ARNT2: variants seen among roughly 807,000 people sequenced by gnomAD.
ARNT2 encodes ARNT protein 2.
A neutral mutation model predicts 91.7 loss-of-function variants in ARNT2; 36 were observed. The observed-to-expected ratio is 0.39, with a 90% CI of 0.30 to 0.52. ARNT2 has a LOEUF of 0.52. Among genes scored for constraint, ARNT2 ranks in the 20% least tolerant of loss-of-function variants. The pLI is 0.72. For missense variants in ARNT2, 775 were observed against 939.3 expected (o/e 0.83, Z 2.29); for synonymous variants, 365 against 347.1 (o/e 1.05, Z -0.57).
chr15:80,589,503 C>T (rs574355753), intron 17 of ARNT2, among the ~76,000 whole-genome samples: 1 of 152,344 alleles, frequency 6.6e-6, no homozygotes. Context: ...TGGCAGTCAT[C>T]TTCCTGAATG....
chr15:80,590,984 G>A (rs1169957746), intron 17 of ARNT2, among the ~76,000 whole-genome samples: 1 of 152,218 alleles, frequency 6.6e-6, no homozygotes, highest in Non-Finnish European at 1.5e-5. Context: ...GCTTGGCCCT[G>A]TAGGGGGACC....
chr15:80,430,948 G>C (rs1261737114), intron 1 of ARNT2, among the ~76,000 whole-genome samples: 1 of 151,950 alleles, frequency 6.6e-6, no homozygotes, highest in African/African-American at 2.4e-5. Flanking sequence ...GCATGTACGT[G>C]GTGATGAACC....
chr15:80,536,145 C>T (rs1045240462), intron 8 of ARNT2, among the ~76,000 whole-genome samples: 2 of 152,202 alleles, frequency 1.3e-5, no homozygotes, highest in Non-Finnish European at 2.9e-5. Flanking sequence ...ATCAAGGACA[C>T]AGAGGCACGT....
chr15:80,484,954 T>C (rs1006604624), intron 5 of ARNT2, among the ~76,000 whole-genome samples: 1 of 152,246 alleles, frequency 6.6e-6, no homozygotes, highest in African/African-American at 2.4e-5. Flanking sequence ...GCCTCAGTTT[T>C]CTCGCTTGTA....
At chr15:80,546,719 C>T (rs1193250413) in intron 8 of ARNT2, among the ~76,000 whole-genome samples, 1 of 151,988 alleles carries the variant, frequency 6.6e-6, no homozygotes, top group Non-Finnish European at 1.5e-5. Context: ...AATCCCAGCA[C>T]CTTGGGAGGC....
chr15:80,574,064 C>A, intron 12 of ARNT2, 84 bp from the exon 13 acceptor site: 1 of 1,126,646 alleles, frequency 8.9e-7, no homozygotes, highest in Non-Finnish European at 1.4e-6. Context: ...CACTCTGCCT[C>A]TGAGGTATGG....
At chr15:80,509,136 G>C (rs1047001562) in intron 6 of ARNT2, among the ~76,000 whole-genome samples, 1 of 152,158 alleles carries the variant, frequency 6.6e-6, no homozygotes, top group Non-Finnish European at 1.5e-5. Flanking sequence ...GTGCCCGGGA[G>C]TCAATGTTAA....
At chr15:80,567,837 A>G (rs906758013) in intron 12 of ARNT2, among the ~76,000 whole-genome samples, 39 of 152,158 alleles carry the variant, frequency 2.6e-4, no homozygotes, top group African/African-American at 9.4e-4. Flanking sequence ...GGAAAAGTCT[A>G]CTGTGGACGG....
chr15:80,470,341 C>T lies in ARNT2; in HGVS notation c.318C>T (p.Leu106=), dbSNP rs981145730. ...GGAAGCCAGACAAGCTCACCATCCT[C>T]CGCATGGCCGTCTCGCACATGAAGT... The part of the protein sequence containing the change: ...LARKPDKLTI[L]RMAVSHMKSM... Residue 106 remains leucine (L), a synonymous_variant, in exon 4 of 19, where the codon CTC becomes CTT. Coordinates refer to ENST00000303329, the MANE Select transcript of ARNT2 (RefSeq NM_014862.4). 3 of 1,614,100 alleles carry T rather than the reference C, an allele frequency of 1.9e-6. No homozygotes were observed. The highest frequency in any genetic ancestry group is 2.5e-6 in the Non-Finnish European group (3 of 1,180,044).
chr15:80,596,057 C>G lies in ARNT2; in HGVS notation c.*2359C>G, dbSNP rs1345039300. On this transcript the variant is annotated 3_prime_UTR_variant, in exon 19 of 19. Transcript: ENST00000303329. ...TTGAGGCTTTTCTTAGGTGCATACACAGACCCAGGTGAACACGCTGACTGT... is the reference window on the plus strand; with the variant it reads ...TTGAGGCTTTTCTTAGGTGCATACAGAGACCCAGGTGAACACGCTGACTGT... The G allele has an allele frequency of 6.6e-6, 1 of 152,194 alleles. No homozygotes were observed. 9.4% of individuals were successfully genotyped at this position (152,194 alleles called of 1,614,324 possible). A position where few individuals can be genotyped will look rare whatever the true frequency, so the allele number is the denominator to read the frequency against.
chr15:80,558,535 T>C (rs1898247120), intron 11 of ARNT2, among the ~76,000 whole-genome samples: 1 of 152,044 alleles, frequency 6.6e-6, no homozygotes, highest in African/African-American at 2.4e-5. Flanking sequence ...AGATGGGGTT[T>C]CACCATGTTG....
intron 15 of ARNT2, among the ~76,000 whole-genome samples, chr15:80,579,214 G>A (rs1330406748): frequency 1.3e-5 from 2 of 152,222 alleles, no homozygotes; most frequent in African/African-American, 4.8e-5. Context: ...GGGGGCTGTG[G>A]AGAGGGTCCT....
At chr15:80,416,453 G>A (rs1316680507) in intron 1 of ARNT2, among the ~76,000 whole-genome samples, 1 of 152,050 alleles carries the variant, frequency 6.6e-6, no homozygotes, top group Non-Finnish European at 1.5e-5. Flanking sequence ...CAGGAAGTTG[G>A]CATTAATGTA....
In ARNT2 at chr15:80,404,647, G is replaced by A. The variant is rs1221109175; in HGVS notation, c.31+101G>A. 5.1e-6 allele frequency: 4 copies of A among 788,766 alleles called. No individual in the cohort carries two copies. In the African/African-American group the frequency reaches 5.7e-5, roughly 11 times the overall value. The allele number at this position is 788,766 out of a possible 1,614,324, so 48.9% of individuals were successfully genotyped here. ...CGGGCGCCCCCGGGGGCGCGGAGCC[G>A]CAGCTCGGCGCGGTGGGTGGTGGAG... On this transcript the variant is annotated intron_variant, in intron 1 of 18. Coordinates refer to ENST00000303329, the MANE Select transcript of ARNT2 (RefSeq NM_014862.4). This position sits in a 1 kb window ranked among gnomAD's most constrained non-coding sequence, Gnocchi z 5.5.
intron 10 of ARNT2, among the ~76,000 whole-genome samples, chr15:80,553,269 A>G (rs1269940619): frequency 1.3e-5 from 2 of 152,230 alleles, no homozygotes; most frequent in Non-Finnish European, 2.9e-5. Flanking sequence ...GTTGTCCCAG[A>G]TTAAAATAGA....
chr15:80,532,230 A>G lies in ARNT2; in HGVS notation c.877+17825A>G, dbSNP rs867421160. On this transcript the variant is annotated intron_variant, in intron 8 of 18. Coordinates refer to ENST00000303329, the MANE Select transcript of ARNT2 (RefSeq NM_014862.4). ...TCTTTTGCAGTCAGTACATGGTGGA[A>G]TCAGGATGTCTGAGTCAGGACACCT... is the stretch of plus-strand genomic sequence containing the variant. Among the ~76,000 whole-genome samples, 15 of 152,296 alleles carry G rather than the reference A, an allele frequency of 9.8e-5. 2 individuals are homozygous for G. Among genetic ancestry groups the G allele is most frequent in the Admixed American group, 2.0e-4 (3 of 15,300 alleles).
intron 5 of ARNT2, among the ~76,000 whole-genome samples, chr15:80,503,385 G>A (rs528133877): frequency 4.9e-4 from 74 of 152,350 alleles, no homozygotes; most frequent in African/African-American, 1.7e-3. Context: ...TTTCAGAGGA[G>A]CCTGAAGAGC....
rs780523195 is a variant in ARNT2, at chr15:80,563,080, T to C, written c.1165-8T>C. On this transcript the variant is annotated splice_polypyrimidine_tract_variant and splice_region_variant and intron_variant, in intron 11 of 18. Transcript: ENST00000303329. Reference sequence around the variant, plus strand: ...CCTGCTGACTTCCTTCTCCAAATGTTTTCTCAGGTGGTTAAGCTGAAAGGC... The same window carrying C: ...CCTGCTGACTTCCTTCTCCAAATGTCTTCTCAGGTGGTTAAGCTGAAAGGC... The C allele has an allele frequency of 1.2e-6, 2 of 1,614,150 alleles. No individual in the cohort carries two copies. Among genetic ancestry groups the C allele is most frequent in the Non-Finnish European group, 1.7e-6 (2 of 1,180,012 alleles).
intron 3 of ARNT2, among the ~76,000 whole-genome samples, chr15:80,458,227 A>C (rs779168095): frequency 6.6e-6 from 1 of 152,168 alleles, no homozygotes; most frequent in Non-Finnish European, 1.5e-5. Context: ...ATTAATGTCA[A>C]TTTTAAGGAT....
Sources: gnomAD v4.1 joint callset for allele counts (sites outside exome capture counted in the v4.1 genomes callset) on GRCh38, gnomAD v4.1.1 for gene constraint, Gnocchi (gnomAD v3.1) non-coding constraint, MANE v1.5 for transcripts, NCBI Gene and HGNC (gene_info 2026-07-23, HGNC 2026-07-21) for gene names.